WDR74: variants seen among roughly 807,000 people sequenced by gnomAD.
WDR74 encodes WD repeat-containing protein 74.
A neutral mutation model predicts 45.6 loss-of-function variants in WDR74; 31 were observed. The ratio of observed to expected loss-of-function variants is 0.68; its 90% CI spans 0.51 to 0.92. The LOEUF is 0.92. Among genes scored for constraint, WDR74 ranks in the 40% least tolerant of loss-of-function variants. WDR74 has a pLI of 0.00. For synonymous variants in WDR74, 191 were observed against 192.4 expected, an observed-to-expected ratio of 0.99 and a Z score of 0.06; for missense variants, 455 against 497.2, an observed-to-expected ratio of 0.92 and a Z score of 0.81.
At chr11:62,839,916 C>T (rs2085022937), upstream of WDR74, 1 of 262,392 alleles carries the variant, frequency 3.8e-6, no homozygotes, top group Non-Finnish European at 7.3e-6. Flanking sequence ...TTAAGAAACA[C>T]TTTAGAAACG....
At chr11:62,841,273 T>A (rs1333026597), upstream of WDR74, among the ~76,000 whole-genome samples, 3 of 152,088 alleles carry the variant, frequency 2.0e-5, no homozygotes, top group African/African-American at 7.2e-5. Flanking sequence ...GCTGAGATCA[T>A]GCCATTGCAC....
chr11:62,837,450 CTG>C (rs1486818178), intron 3 of WDR74, among the ~76,000 whole-genome samples: 9 of 150,008 alleles, frequency 6.0e-5, no homozygotes, highest in Admixed American at 5.3e-4. Flanking sequence ...TGAGCCGAGA[CTG>C]TGCCACTGCA....
chr11:62,836,106 T>G, intron 3 of WDR74, 70 bp from the exon 4 acceptor site: 1 of 1,429,892 alleles, frequency 7.0e-7, no homozygotes, highest in Non-Finnish European at 9.6e-7. Context: ...TCTCTCCTCC[T>G]TACTACTACA....
chr11:62,841,618 G>T (rs531033896), upstream of WDR74: 22 of 152,180 alleles, frequency 1.4e-4, no homozygotes, highest in Admixed American at 3.3e-4. Context: ...TCTCCCCGAA[G>T]GGAGAGTGCA....
chr11:62,839,598 A>G, upstream of WDR74: 3 of 1,583,156 alleles, frequency 1.9e-6, no homozygotes, highest in Non-Finnish European at 2.6e-6. Context: ...GACAGTTCAC[A>G]CTTCCGGCGC....
chr11:62,841,103 G>A (rs1232193232), upstream of WDR74, among the ~76,000 whole-genome samples: 8 of 152,234 alleles, frequency 5.3e-5, no homozygotes, highest in African/African-American at 1.4e-4. Context: ...CGGATCACAA[G>A]GTCAAGAGAT....
intron 3 of WDR74, among the ~76,000 whole-genome samples, chr11:62,836,967 T>C (rs1424157536): frequency 1.3e-5 from 2 of 152,066 alleles, no homozygotes; most frequent in African/African-American, 4.8e-5. Flanking sequence ...TCCTAGCTAC[T>C]TGGGAAGTTG....
chr11:62,841,648 A>G (rs1024793464), upstream of WDR74: 1 of 152,240 alleles, frequency 6.6e-6, no homozygotes, highest in African/African-American at 2.4e-5. Flanking sequence ...GAAGTACTGC[A>G]ATACCAGGTC....
upstream of WDR74, chr11:62,841,508 A>C (rs950663305): frequency 6.6e-6 from 1 of 152,136 alleles, no homozygotes; most frequent in Non-Finnish European, 1.5e-5. Context: ...CATTCAACAC[A>C]CTAGCGATAA....
intron 8 of WDR74, 46 bp downstream of exon 8, chr11:62,834,230 T>C (rs1316670433): frequency 1.2e-6 from 2 of 1,612,912 alleles, no homozygotes; most frequent in African/African-American, 2.7e-5. Flanking sequence ...ATCCTGACCC[T>C]TCTCCCTGCT....
chr11:62,833,986 CCATT>C (rs889123353), intron 8 of WDR74, 49 bp from the exon 9 acceptor site: 1 of 1,600,296 alleles, frequency 6.2e-7, no homozygotes, highest in Non-Finnish European at 8.5e-7. Context: ...CAATAACCAA[CCATT>C]CATTGTTTCC....
chr11:62,841,415 T>G (rs576829714), upstream of WDR74, among the ~76,000 whole-genome samples: 288 of 151,258 alleles, frequency 1.9e-3, no homozygotes, highest in African/African-American at 6.2e-3. Context: ...GTATGAAGAT[T>G]GCTGAAGACC....
upstream of WDR74, among the ~76,000 whole-genome samples, chr11:62,841,257 C>T (rs2085041690): frequency 1.3e-5 from 2 of 152,260 alleles, no homozygotes; most frequent in Middle Eastern, 6.8e-3. Flanking sequence ...GCGGATGTTG[C>T]AGTGAGCTGA....
At chr11:62,835,291 A>G in intron 6 of WDR74, 140 bp downstream of exon 6, 1 of 705,262 alleles carries the variant, frequency 1.4e-6, no homozygotes, top group Non-Finnish European at 2.4e-6. Context: ...GGGCTCAGGG[A>G]CAGGGTTGGA....
chr11:62,833,148 A>G lies in WDR74; in HGVS notation c.979-17T>C, dbSNP rs1462825975. The G allele has an allele frequency of 6.2e-7, 1 of 1,611,482 alleles. No homozygotes were observed. Among genetic ancestry groups the G allele is most frequent in the East Asian group, 2.2e-5 (1 of 44,818 alleles). On this transcript the variant is annotated splice_polypyrimidine_tract_variant and intron_variant, in intron 10 of 10. Transcript: ENST00000278856. ...GGGCTCATCCTGGTGAGTGGGAAGAAAGCTTAGGAGTCAGGGGGGCCGGGC... is the reference window on the plus strand; with the variant it reads ...GGGCTCATCCTGGTGAGTGGGAAGAGAGCTTAGGAGTCAGGGGGGCCGGGC...
rs1565219598 is a variant in WDR74, at chr11:62,832,975, GCTT to G, written c.1132_1134del (p.Lys378del). 5.6e-6 allele frequency: 9 copies of G among 1,606,548 alleles called. No individual in the cohort carries two copies. Among genetic ancestry groups the G allele is most frequent in the South Asian group, 1.1e-5 (1 of 90,384 alleles). Reference sequence around the variant, plus strand: ...CGTCAGGGGCTGGTGGACCCAGGCCGCTTCTTCTTTCTCCGTCTCGTTTGGAGA... The same window carrying G: ...CGTCAGGGGCTGGTGGACCCAGGCCGCTTCTTTCTCCGTCTCGTTTGGAGA... On this transcript the variant is annotated inframe_deletion, in exon 11 of 11. Transcript: ENST00000278856.
In WDR74 at chr11:62,832,987, T is replaced by G; in HGVS notation, c.1123A>C (p.Arg375=). Residue 375 remains arginine, a synonymous_variant, in exon 11 of 11, where the codon AGA becomes CGA. Transcript: ENST00000278856. ...GTGGACCCAGGCCGCTTCTTCTTTC[T>G]CCGTCTCGTTTGGAGAGCTCCTTGG... ...QPQGALQTRR[R]KKKRPGSTSP is the part of the protein sequence containing the mutation. 6.2e-7 allele frequency: 1 copy of G among 1,607,930 alleles called. No individual in the cohort carries two copies. Among genetic ancestry groups the G allele is most frequent in the East Asian group, 2.2e-5 (1 of 44,792 alleles).
In WDR74 at chr11:62,834,451, G is replaced by T; in HGVS notation, c.695C>A (p.Ala232Asp). The stretch of plus-strand genomic sequence containing the variant: ...CTTGCCTCCCGGAGTGAGGGTCATG[G>T]CTGTTAGTGGGTACTCTCCATAGGT... ...ETTYGEYPLT[A>D]MTLTPGGNSV... Residue 232 changes from alanine to aspartate, a missense_variant, in exon 7 of 11, where the codon GCC (alanine) becomes GAC (aspartate). By Grantham distance (126) the Ala-to-Asp change is moderately radical. Transcript: ENST00000278856. The T allele has an allele frequency of 1.9e-6, 3 of 1,611,644 alleles. No individual in the cohort carries two copies. Among genetic ancestry groups the T allele is most frequent in the Non-Finnish European group, 2.5e-6 (3 of 1,179,388 alleles).
At chr11:62,841,376 C>T (rs928425596), upstream of WDR74, among the ~76,000 whole-genome samples, 13 of 151,994 alleles carry the variant, frequency 8.6e-5, no homozygotes, top group African/African-American at 2.7e-4. Flanking sequence ...GGCAAGCGCT[C>T]AATAGTTCCA....
Sources: gnomAD v4.1 joint callset for allele counts (sites outside exome capture counted in the v4.1 genomes callset) on GRCh38, gnomAD v4.1.1 for gene constraint, MANE v1.5 for transcripts, NCBI Gene and HGNC (gene_info 2026-07-23, HGNC 2026-07-21) for gene names.